NBEA: variants seen among roughly 807,000 people sequenced by gnomAD.
NBEA encodes neurobeachin.
Under a neutral mutation model 343.4 loss-of-function variants are expected in NBEA, and 44 were observed. The observed-to-expected ratio is 0.13, with a 90% CI of 0.10 to 0.16. NBEA has a LOEUF of 0.16. Ranked by LOEUF, NBEA falls within the 10% of genes least tolerant of loss-of-function variation. The pLI is 1.00. For synonymous variants in NBEA, 1,175 were observed against 1,238.7 expected (o/e 0.95, Z 1.08); for missense variants, 2,555 against 3,631.3 (o/e 0.70, Z 7.62).
intron 1 of NBEA, among the ~76,000 whole-genome samples, chr13:34,990,698 C>T (rs1313897716): frequency 7.2e-6 from 1 of 138,780 alleles, no homozygotes; most frequent in Non-Finnish European, 1.7e-5. Context: ...ATGCAAATTT[C>T]TACATCCAGC....
chr13:35,022,016 A>T (rs1480297792), intron 1 of NBEA, among the ~76,000 whole-genome samples: 1 of 152,108 alleles, frequency 6.6e-6, no homozygotes, highest in Non-Finnish European at 1.5e-5. Flanking sequence ...TGAGCAACAA[A>T]TTCTGTCTTG....
intron 4 of NBEA, among the ~76,000 whole-genome samples, chr13:35,046,270 T>C (rs1269045650): frequency 6.6e-6 from 1 of 152,190 alleles, no homozygotes; most frequent in Non-Finnish European, 1.5e-5. Context: ...TCTATGGACA[T>C]ATGTTTTCTT....
chr13:35,450,963 A>G (rs1391111298), intron 39 of NBEA, among the ~76,000 whole-genome samples: 1 of 152,216 alleles, frequency 6.6e-6, no homozygotes, highest in Non-Finnish European at 1.5e-5. Flanking sequence ...AGATGTTTGA[A>G]TGTAAATATG....
chr13:35,393,977 A>G (rs2042622974), intron 38 of NBEA, among the ~76,000 whole-genome samples: 1 of 152,126 alleles, frequency 6.6e-6, no homozygotes, highest in East Asian at 1.9e-4. Flanking sequence ...CTAGAGATCA[A>G]CAGCCCATTC....
intron 41 of NBEA, among the ~76,000 whole-genome samples, chr13:35,496,765 C>T (rs1277471471): frequency 2.0e-5 from 3 of 151,810 alleles, no homozygotes; most frequent in Non-Finnish European, 2.9e-5. Context: ...CAAGGAGAAG[C>T]CTTAATAACT....
At chr13:35,445,790 A>ATATATG (rs1194019677) in intron 39 of NBEA, among the ~76,000 whole-genome samples, 3 of 69,924 alleles carry the variant, frequency 4.3e-5, no homozygotes, top group South Asian at 3.4e-4. Context: ...GTTTATATAT[A>ATATATG]TATATATATA....
At chr13:35,122,782 C>A (rs2066876791) in intron 16 of NBEA, among the ~76,000 whole-genome samples, 1 of 152,180 alleles carries the variant, frequency 6.6e-6, no homozygotes, top group African/African-American at 2.4e-5. Context: ...TTTGCTTTAT[C>A]TACTGCTTTC....
intron 49 of NBEA, among the ~76,000 whole-genome samples, chr13:35,631,716 A>G (rs1182950834): frequency 6.6e-6 from 1 of 151,844 alleles, no homozygotes; most frequent in Non-Finnish European, 1.5e-5. Flanking sequence ...AGTTTGAGAA[A>G]TGGCTTAAGG....
chr13:35,249,245 A>G (rs1354500870), intron 34 of NBEA, among the ~76,000 whole-genome samples: 6 of 152,150 alleles, frequency 3.9e-5, no homozygotes, highest in Admixed American at 2.6e-4. Flanking sequence ...TATAGGCAAC[A>G]AGTAAAAATA....
At chr13:35,170,850 A>G (rs774466063) in intron 25 of NBEA, among the ~76,000 whole-genome samples, 171 of 152,024 alleles carry the variant, frequency 1.1e-3, no homozygotes, top group Admixed American at 3.8e-3. Flanking sequence ...ATACATCTAT[A>G]GGAAAGAAAA....
intron 36 of NBEA, among the ~76,000 whole-genome samples, chr13:35,320,488 C>T (rs544327307): frequency 2.0e-5 from 3 of 152,212 alleles, no homozygotes; most frequent in African/African-American, 7.2e-5. Context: ...TGGGGTTCCC[C>T]TTGGGGTAAC....
chr13:35,658,143 A>C (rs550113527), intron 55 of NBEA, among the ~76,000 whole-genome samples: 1 of 152,266 alleles, frequency 6.6e-6, no homozygotes, highest in South Asian at 2.1e-4. Context: ...TAAGAACAAA[A>C]ATATGGATAT....
intron 41 of NBEA, among the ~76,000 whole-genome samples, chr13:35,484,960 A>C (rs1271014339): frequency 6.6e-6 from 1 of 152,138 alleles, no homozygotes; most frequent in Non-Finnish European, 1.5e-5. Flanking sequence ...TTTTACATTA[A>C]GATCTAAAAG....
intron 55 of NBEA, among the ~76,000 whole-genome samples, chr13:35,664,623 A>G (rs779938057): frequency 2.0e-5 from 3 of 152,252 alleles, no homozygotes; most frequent in Non-Finnish European, 4.4e-5. Context: ...AAAGTGAAGT[A>G]GGTTCAATTC....
rs2073745132 is a variant in NBEA at position 35,211,154 on chromosome 13, C to G, written c.5623C>G (p.Pro1875Ala). 1.9e-6 allele frequency: 3 copies of G among 1,554,262 alleles called. No individual in the cohort carries two copies. Reference sequence around the variant, plus strand: ...AGCTGTACAAACTGTTGCTCCAATGCCAGAAGATTCAGCTGAAAATATGAG... The same window carrying G: ...AGCTGTACAAACTGTTGCTCCAATGGCAGAAGATTCAGCTGAAAATATGAG... ...LPAVQTVAPM[P>A]EDSAENMSIT... Residue 1875 changes from proline to alanine, a missense_variant, in exon 33 of 59, where the codon CCA becomes GCA. Transcript: ENST00000379939.
chr13:35,475,102 G>T (rs2152960596), intron 41 of NBEA: 1 of 1,614,048 alleles, frequency 6.2e-7, no homozygotes, highest in Non-Finnish European at 8.5e-7. Context: ...GATCTCTCTT[G>T]CCAGTCGCCA....
chr13:35,613,960 G>A (rs1461425421), intron 48 of NBEA, among the ~76,000 whole-genome samples: 1 of 152,130 alleles, frequency 6.6e-6, no homozygotes, highest in Non-Finnish European at 1.5e-5. Flanking sequence ...ACTAATTTAT[G>A]CCACTACTAA....
intron 34 of NBEA, among the ~76,000 whole-genome samples, chr13:35,242,082 T>A (rs1293831214): frequency 6.6e-6 from 1 of 151,924 alleles, no homozygotes; most frequent in Non-Finnish European, 1.5e-5. Flanking sequence ...TAAAGAAATG[T>A]CGGCCTCTGA....
At chr13:35,125,884 C>T (rs1303680480) in intron 17 of NBEA, among the ~76,000 whole-genome samples, 4 of 151,908 alleles carry the variant, frequency 2.6e-5, no homozygotes, top group East Asian at 3.9e-4. Flanking sequence ...AACCACTAAA[C>T]AGAATTTGGA....
Sources: gnomAD v4.1 joint callset for allele counts (sites outside exome capture counted in the v4.1 genomes callset) on GRCh38, gnomAD v4.1.1 for gene constraint, MANE v1.5 for transcripts, NCBI Gene and HGNC (gene_info 2026-07-23, HGNC 2026-07-21) for gene names.